ADGRG7: variants seen among roughly 807,000 people sequenced by gnomAD.
ADGRG7 encodes G-protein coupled receptor 128.
Under a neutral mutation model 88.6 loss-of-function variants are expected in ADGRG7, and 82 were observed. The observed-to-expected ratio is 0.93, with a 90% CI of 0.77 to 1.11. The LOEUF (loss-of-function observed/expected upper bound fraction) is 1.11, where lower values mean the gene tolerates loss of function less well. ADGRG7 is among the 50% of genes most tolerant of loss of function. The pLI is 0.00. For missense variants in ADGRG7, 945 were observed against 953.4 expected (o/e 0.99, Z 0.12); for synonymous variants, 381 against 345.2 (o/e 1.10, Z -1.15).
intron 5 of ADGRG7, 29 bp from the exon 6 acceptor site, chr3:100,637,273 T>C (rs1453271006): frequency 7.1e-7 from 1 of 1,402,096 alleles, no homozygotes; most frequent in Non-Finnish European, 1.0e-6. Flanking sequence ...TATATGCTTC[T>C]CTGATGATCA....
intron 15 of ADGRG7, among the ~76,000 whole-genome samples, chr3:100,690,909 A>T (rs534485680): frequency 3.3e-5 from 5 of 152,216 alleles, no homozygotes; most frequent in Non-Finnish European, 7.3e-5. Flanking sequence ...AGACAGGGAC[A>T]TTTAAGTCTG....
chr3:100,682,206 G>A (rs1208000437), intron 15 of ADGRG7, among the ~76,000 whole-genome samples: 1 of 152,156 alleles, frequency 6.6e-6, no homozygotes, highest in Non-Finnish European at 1.5e-5. Flanking sequence ...CCCTGATGGG[G>A]CCGGACCCAG....
At chr3:100,620,016 C>T (rs1707284588) in intron 1 of ADGRG7, among the ~76,000 whole-genome samples, 2 of 152,160 alleles carry the variant, frequency 1.3e-5, no homozygotes, top group African/African-American at 2.4e-5. Context: ...TGAAACTATT[C>T]CAATCAATAG....
intron 10 of ADGRG7, 57 bp downstream of exon 10, chr3:100,646,781 T>C: frequency 7.3e-7 from 1 of 1,371,686 alleles, no homozygotes; most frequent in South Asian, 1.3e-5. Context: ...TACACAATTC[T>C]AGTAGGTGCT....
intron 15 of ADGRG7, among the ~76,000 whole-genome samples, chr3:100,684,068 T>C (rs1180269191): frequency 6.6e-6 from 1 of 152,170 alleles, no homozygotes; most frequent in Non-Finnish European, 1.5e-5. Flanking sequence ...CCACTTCATC[T>C]TGAAATCTGA....
At chr3:100,689,699 G>T (rs2094989711) in intron 15 of ADGRG7, among the ~76,000 whole-genome samples, 1 of 152,148 alleles carries the variant, frequency 6.6e-6, no homozygotes, top group Non-Finnish European at 1.5e-5. Context: ...GTTGAATATT[G>T]GCCCCCACTC....
intron 1 of ADGRG7, among the ~76,000 whole-genome samples, chr3:100,612,536 C>G (rs1421227680): frequency 2.6e-5 from 4 of 152,060 alleles, no homozygotes; most frequent in African/African-American, 9.7e-5. Flanking sequence ...ATATTTCTTC[C>G]CATTGGCATT....
chr3:100,670,639 G>A (rs921376734), intron 15 of ADGRG7, among the ~76,000 whole-genome samples: 2 of 152,058 alleles, frequency 1.3e-5, no homozygotes, highest in African/African-American at 4.8e-5. Context: ...CTATACACGT[G>A]CCATGGTGGT....
chr3:100,649,170 A>C (rs2094924194), intron 10 of ADGRG7, among the ~76,000 whole-genome samples: 1 of 152,360 alleles, frequency 6.6e-6, no homozygotes, highest in South Asian at 2.1e-4. Context: ...ATCAAGGAAA[A>C]GTATAAATAG....
At chr3:100,692,474 A>G (rs2094995588) in intron 15 of ADGRG7, among the ~76,000 whole-genome samples, 1 of 152,184 alleles carries the variant, frequency 6.6e-6, no homozygotes, top group Non-Finnish European at 1.5e-5. Flanking sequence ...TCTCTTCTCC[A>G]TGCATAGGAG....
At chr3:100,645,885 AT>A in intron 8 of ADGRG7, 59 bp from the exon 9 acceptor site, 1 of 1,448,740 alleles carries the variant, frequency 6.9e-7, no homozygotes, top group Non-Finnish European at 9.5e-7. Context: ...AACGTGACAT[AT>A]TGTTTTTTGT....
chr3:100,620,712 C>T (rs1237892409), intron 1 of ADGRG7, among the ~76,000 whole-genome samples: 1 of 152,184 alleles, frequency 6.6e-6, no homozygotes, highest in Non-Finnish European at 1.5e-5. Context: ...GAATCTGTCC[C>T]TCACAGACCC....
chr3:100,610,853 A>T (rs1364153234), intron 1 of ADGRG7, among the ~76,000 whole-genome samples: 2 of 152,306 alleles, frequency 1.3e-5, no homozygotes, highest in African/African-American at 2.4e-5. Context: ...CTGAGCAGGT[A>T]ACTGGGGAGG....
chr3:100,635,715 T>C lies in ADGRG7; in HGVS notation c.486T>C (p.Ser162=). Residue 162 remains serine, a synonymous_variant, in exon 5 of 16, where the codon TCT becomes TCC. Transcript: ENST00000273352. Reference sequence around the variant, plus strand: ...CAGCACCACTTAATAACATTTCTTCTGAAGTCCAGATTTTAACATCTGATG... The same window carrying C: ...CAGCACCACTTAATAACATTTCTTCCGAAGTCCAGATTTTAACATCTGATG... The part of the protein sequence containing the change: ...DVTAPLNNIS[S]EVQILTSDAN... The C allele has an allele frequency of 6.2e-6, 10 of 1,614,040 alleles. No homozygotes were observed. Among genetic ancestry groups the C allele is most frequent in the Non-Finnish European group, 8.5e-6 (10 of 1,179,938 alleles).
chr3:100,642,597 T>G (rs576119441), intron 6 of ADGRG7, among the ~76,000 whole-genome samples: 1 of 152,342 alleles, frequency 6.6e-6, no homozygotes, highest in East Asian at 1.9e-4. Context: ...CAAATATTTC[T>G]ATGGGAAACA....
chr3:100,634,686 G>T (rs1047333966), intron 4 of ADGRG7, among the ~76,000 whole-genome samples: 3 of 152,212 alleles, frequency 2.0e-5, no homozygotes, highest in Non-Finnish European at 2.9e-5. Flanking sequence ...ATTGAGGAAA[G>T]ATGCTAAATT....
rs2149046138 is a variant in ADGRG7 at position 100,695,021 on chromosome 3, G to A, written c.*20G>A. On this transcript the variant is annotated 3_prime_UTR_variant, in exon 16 of 16. Coordinates refer to ENST00000273352, the MANE Select transcript of ADGRG7 (RefSeq NM_032787.3). ...ATCTAGACAGTAAAACTTACCTGTT[G>A]TGGTCTTTTTAATCACCTCGTTTGA... 2 of 1,601,864 alleles carry A rather than the reference G, an allele frequency of 1.2e-6. No individual in the cohort carries two copies. The highest frequency in any genetic ancestry group is 2.2e-5 in the East Asian group (1 of 44,662).
In ADGRG7 at chr3:100,695,178, C is replaced by T; in HGVS notation, c.*177C>T. ...CGGCATAATGGACTTGGTAGTTTTTCTATTTTTCAATAGATTTGTACTTGA... is the reference window on the plus strand; with the variant it reads ...CGGCATAATGGACTTGGTAGTTTTTTTATTTTTCAATAGATTTGTACTTGA... On this transcript the variant is annotated 3_prime_UTR_variant, in exon 16 of 16. Coordinates refer to ENST00000273352, the MANE Select transcript of ADGRG7 (RefSeq NM_032787.3). 2 of 631,728 alleles carry T rather than the reference C, an allele frequency of 3.2e-6. No individual in the cohort carries two copies. The highest frequency in any genetic ancestry group is 5.3e-6 in the Non-Finnish European group (2 of 377,942). The allele number at this position is 631,728 out of a possible 1,614,324, so 39.1% of individuals were successfully genotyped here.
chr3:100,638,882 T>A (rs1035415236), intron 6 of ADGRG7, among the ~76,000 whole-genome samples: 4 of 152,192 alleles, frequency 2.6e-5, no homozygotes. Flanking sequence ...AAAACCCTTT[T>A]AAAACTTACA....
Sources: allele counts gnomAD v4.1 joint callset (sites outside exome capture counted in the v4.1 genomes callset), GRCh38; gene constraint gnomAD v4.1.1; transcripts MANE v1.5; gene names NCBI Gene and HGNC (gene_info 2026-07-23, HGNC 2026-07-21).